The following EXOC6B variants were observed in gnomAD, a reference collection of about 807,000 sequenced individuals.
The protein encoded by EXOC6B is SEC15 homolog B.
A neutral mutation model predicts 113.5 loss-of-function variants in EXOC6B; 54 were observed. That is an observed-to-expected ratio of 0.48 (90% CI 0.38 to 0.60). The LOEUF is 0.60. Ranked by LOEUF, EXOC6B falls within the 20% of genes least tolerant of loss-of-function variation. The probability of loss-of-function intolerance (pLI) is 0.00; values close to 1 mark genes in which losing one functional copy is unlikely to be tolerated. For synonymous variants in EXOC6B, 357 were observed against 339.0 expected (o/e 1.05, Z -0.58); for missense variants, 797 against 977.5 (o/e 0.82, Z 2.46).
At chr2:72,492,184 A>C (rs1389946448) in intron 16 of EXOC6B, 134 bp downstream of exon 16, 13 of 445,454 alleles carry the variant, frequency 2.9e-5, no homozygotes, top group Non-Finnish European at 5.3e-5. Context: ...AAGAGATTTC[A>C]TTTTGCACTT....
chr2:72,520,616 T>G (rs1322245515), intron 8 of EXOC6B, among the ~76,000 whole-genome samples: 1 of 152,196 alleles, frequency 6.6e-6, no homozygotes, highest in African/African-American at 2.4e-5. Flanking sequence ...CATTCACCAT[T>G]TATCTGGCTA....
intron 11 of EXOC6B, among the ~76,000 whole-genome samples, chr2:72,511,418 A>C (rs1436201376): frequency 1.3e-5 from 2 of 152,130 alleles, no homozygotes. Context: ...AATCCATCAG[A>C]AAGTACAATT....
At chr2:72,352,446 T>C (rs780671637) in intron 19 of EXOC6B, among the ~76,000 whole-genome samples, 3 of 152,194 alleles carry the variant, frequency 2.0e-5, no homozygotes, top group Non-Finnish European at 2.9e-5. Context: ...AATTTCAATC[T>C]TAGAAATATG....
At chr2:72,685,631 A>T (rs147503883) in intron 6 of EXOC6B, among the ~76,000 whole-genome samples, 13 of 152,300 alleles carry the variant, frequency 8.5e-5, no homozygotes, top group African/African-American at 3.1e-4. Context: ...TAACATTCTT[A>T]GGCAGCTTTT....
chr2:72,189,635 T>C (rs375775599), intron 20 of EXOC6B, among the ~76,000 whole-genome samples: 2 of 152,126 alleles, frequency 1.3e-5, no homozygotes, highest in East Asian at 1.9e-4. Context: ...TTATGAGTTG[T>C]CACTCATTCT....
In EXOC6B at chr2:72,307,161, G is replaced by GTTTTTTTTTT. The variant is rs1553371308; in HGVS notation, c.2196+27776_2196+27785dup. Among the ~76,000 whole-genome samples, 335 of 128,470 alleles carry GTTTTTTTTTT rather than the reference G, an allele frequency of 2.6e-3. 32 individuals are homozygous for GTTTTTTTTTT. The highest frequency in any genetic ancestry group is 0.011 in the African/African-American group (295 of 26,178). 84.3% of individuals were successfully genotyped at this position (128,470 alleles called of 152,430 possible). On this transcript the variant is annotated intron_variant, in intron 20 of 21. Transcript: ENST00000272427. ...TCCATGACTGCAATGGTATAGTCCA[G>GTTTTTTTTTT]TTTTTTTTTTTTTGAGACGGAGTCT...
chr2:72,361,353 T>C (rs1007697032), intron 19 of EXOC6B, among the ~76,000 whole-genome samples: 1 of 152,170 alleles, frequency 6.6e-6, no homozygotes, highest in Admixed American at 6.5e-5. Context: ...TTGCATAATA[T>C]AAACTTGAAA....
chr2:72,689,777 C>T (rs188284288), intron 6 of EXOC6B, among the ~76,000 whole-genome samples: 5 of 152,290 alleles, frequency 3.3e-5, no homozygotes, highest in Middle Eastern at 3.4e-3. Context: ...TCCCATGAGT[C>T]CATAATGCAG....
At chr2:72,316,193 G>C (rs1045330124) in intron 20 of EXOC6B, among the ~76,000 whole-genome samples, 2 of 152,158 alleles carry the variant, frequency 1.3e-5, no homozygotes, top group South Asian at 2.1e-4. Flanking sequence ...GGCAATACCT[G>C]ACACTTGAAC....
intron 8 of EXOC6B, among the ~76,000 whole-genome samples, chr2:72,538,989 C>T (rs2105782562): frequency 6.6e-6 from 1 of 152,226 alleles, no homozygotes; most frequent in Non-Finnish European, 1.5e-5. Flanking sequence ...GCCAGAGGAG[C>T]CAGTGAAATA....
chr2:72,219,838 A>G (rs1483434668), intron 20 of EXOC6B, among the ~76,000 whole-genome samples: 1 of 152,196 alleles, frequency 6.6e-6, no homozygotes, highest in Non-Finnish European at 1.5e-5. Context: ...AATTGGTAGT[A>G]CAAAGATCAT....
chr2:72,658,558 T>TCTGACA (rs1246054616), intron 6 of EXOC6B, among the ~76,000 whole-genome samples: 4 of 151,802 alleles, frequency 2.6e-5, no homozygotes, highest in Non-Finnish European at 4.4e-5. Context: ...AACTAATCAC[T>TCTGACA]CTGACACTAT....
chr2:72,794,852 C>T (rs2105053992), intron 1 of EXOC6B, among the ~76,000 whole-genome samples: 1 of 152,264 alleles, frequency 6.6e-6, no homozygotes, highest in East Asian at 1.9e-4. Context: ...GAAGAGATGC[C>T]ATCTCACCCC....
rs558790077 is a variant in EXOC6B, at chr2:72,718,300, G to A, written c.472C>T (p.Pro158Ser). ...RDQMKTKRHY[P>S]ALKTLEHLEH... The stretch of plus-strand genomic sequence containing the variant: ...AGATGTTCCAGAGTTTTCAGTGCAG[G>A]ATAATGCCTACAAAAGGAATTGATC... The change falls in exon 6 of 22, where the codon CCT becomes TCT. Residue 158 changes from proline (P) to serine (S), a missense_variant. Transcript: ENST00000272427. 3.3e-5 allele frequency: 53 copies of A among 1,613,508 alleles called. No individual in the cohort carries two copies. The East Asian group carries it at 8.0e-4, about 24-fold the overall frequency.
chr2:72,632,904 G>T (rs1464637954), intron 6 of EXOC6B, among the ~76,000 whole-genome samples: 1 of 152,030 alleles, frequency 6.6e-6, no homozygotes, highest in Non-Finnish European at 1.5e-5. Context: ...TCAACTTCAA[G>T]GCCTCAAGCG....
chr2:72,286,613 C>T (rs1685440981), intron 20 of EXOC6B, among the ~76,000 whole-genome samples: 1 of 152,088 alleles, frequency 6.6e-6, no homozygotes, highest in Non-Finnish European at 1.5e-5. Context: ...GAATATACAA[C>T]ATCAAGAGTG....
intron 6 of EXOC6B, among the ~76,000 whole-genome samples, chr2:72,678,517 C>A (rs1460294193): frequency 6.6e-6 from 1 of 152,186 alleles, no homozygotes; most frequent in Non-Finnish European, 1.5e-5. Flanking sequence ...GGCCTCTTGG[C>A]CAACATGGCG....
At chr2:72,388,346 G>T (rs1692176698) in intron 18 of EXOC6B, among the ~76,000 whole-genome samples, 1 of 152,032 alleles carries the variant, frequency 6.6e-6, no homozygotes, top group South Asian at 2.1e-4. Flanking sequence ...CCAATGATTT[G>T]GTGATATTTT....
intron 19 of EXOC6B, among the ~76,000 whole-genome samples, chr2:72,368,550 A>T (rs1690784470): frequency 1.3e-5 from 2 of 152,196 alleles, no homozygotes; most frequent in Non-Finnish European, 2.9e-5. Flanking sequence ...AGCCTGGCAG[A>T]GACACAACAA....
Sources: allele counts gnomAD v4.1 joint callset (sites outside exome capture counted in the v4.1 genomes callset), GRCh38; gene constraint gnomAD v4.1.1; transcripts MANE v1.5; gene names NCBI Gene and HGNC (gene_info 2026-07-23, HGNC 2026-07-21).